Variants in IL1B observed in about 807,000 individuals in gnomAD.
IL1B encodes the protein interleukin-1 beta.
Under a neutral mutation model 26.2 loss-of-function variants are expected in IL1B, and 11 were observed. The observed-to-expected ratio is 0.42, with a 90% CI of 0.26 to 0.70. IL1B has a LOEUF of 0.70. IL1B is among the 30% of genes least tolerant of loss of function. IL1B has a pLI of 0.25. For synonymous variants in IL1B, 118 were observed against 120.8 expected, an observed-to-expected ratio of 0.98 and a Z score of 0.15; for missense variants, 255 against 327.5, an observed-to-expected ratio of 0.78 and a Z score of 1.71.
intron 6 of IL1B, 142 bp from the exon 7 acceptor site, chr2:112,830,715 C>T: frequency 1.5e-6 from 1 of 656,848 alleles, no homozygotes; most frequent in South Asian, 1.8e-5. Flanking sequence ...TAACTGGGCC[C>T]CCAACTTTCC....
chr2:112,834,690 G>T (rs1167536365), intron 3 of IL1B, among the ~76,000 whole-genome samples: 1 of 152,226 alleles, frequency 6.6e-6, no homozygotes, highest in Non-Finnish European at 1.5e-5. Flanking sequence ...AACTTCTAAA[G>T]AAATATGTTT....
intron 3 of IL1B, among the ~76,000 whole-genome samples, chr2:112,834,259 C>T (rs1005251977): frequency 2.6e-5 from 4 of 152,250 alleles, no homozygotes; most frequent in Admixed American, 6.5e-5. Context: ...ATCCCTAATG[C>T]TGTCACACTA....
intron 3 of IL1B, among the ~76,000 whole-genome samples, chr2:112,834,532 G>C (rs982448244): frequency 2.0e-5 from 3 of 152,202 alleles, no homozygotes; most frequent in Non-Finnish European, 2.9e-5. Flanking sequence ...AAAGAGACCT[G>C]TAAGTGCACA....
intron 3 of IL1B, 36 bp downstream of exon 3, chr2:112,835,530 C>T (rs1488425644): frequency 6.4e-7 from 1 of 1,556,678 alleles, no homozygotes; most frequent in Middle Eastern, 1.7e-4. Context: ...GTGTTAGAGC[C>T]CTTCCTTGGG....
chr2:112,831,024 A>G (rs1288076809), intron 6 of IL1B: 1 of 458,278 alleles, frequency 2.2e-6, no homozygotes, highest in South Asian at 2.1e-5. Context: ...TGTCTATCAA[A>G]TGAGAGCAGC....
At chr2:112,833,704 CCT>C (rs1269699610) in intron 3 of IL1B, 129 bp from the exon 4 acceptor site, 1 of 872,040 alleles carries the variant, frequency 1.1e-6, no homozygotes, top group Non-Finnish European at 1.8e-6. Flanking sequence ...AAAGATCATC[CCT>C]CTCTGGGCCA....
At chr2:112,835,092 T>G in intron 3 of IL1B, 1 of 189,108 alleles carries the variant, frequency 5.3e-6, no homozygotes, top group South Asian at 1.0e-4. Flanking sequence ...CTTTCAAGTC[T>G]CAATTCATCT....
At position 112,831,328 on chromosome 2, in the gene IL1B, G is replaced by A. The variant is rs912767204; in HGVS notation, c.561C>T (p.Cys187=). The change falls in exon 6 of 7, where the codon TGC becomes TGT. Residue 187 remains cysteine, a synonymous_variant. Coordinates refer to ENST00000263341, the MANE Select transcript of IL1B (RefSeq NM_000576.3). The part of the protein sequence containing the change: ...GLKEKNLYLS[C]VLKDDKPTLQ... ...GAGTGGGCTTATCATCTTTCAACAC[G>A]CAGGACAGGTACAGATTCTTTTCCT... The A allele has an allele frequency of 8.7e-6, 14 of 1,613,798 alleles. No individual in the cohort carries two copies. In the South Asian group the frequency reaches 8.8e-5, roughly 10 times the overall value.
chr2:112,834,420 T>C (rs1682048233), intron 3 of IL1B, among the ~76,000 whole-genome samples: 1 of 152,278 alleles, frequency 6.6e-6, no homozygotes, highest in Admixed American at 6.5e-5. Flanking sequence ...GTACTTTTTG[T>C]GAAATGTTAC....
intron 5 of IL1B, 60 bp downstream of exon 5, chr2:112,832,602 C>T (rs1682007505): frequency 2.6e-6 from 4 of 1,519,466 alleles, no homozygotes; most frequent in Admixed American, 3.3e-5. Context: ...TTGTTTAAAA[C>T]ATGGAGAATT....
chr2:112,830,151 G>A lies in IL1B; in HGVS notation c.*210C>T. ...AGAGGCCTGGCTCAACAAAAGGGCT[G>A]GGGATTGGCCCTGAAAGGAGAGAGC... On this transcript the variant is annotated 3_prime_UTR_variant, in exon 7 of 7. Transcript: ENST00000263341. 1 of 573,944 alleles carries A rather than the reference G, an allele frequency of 1.7e-6. No individual in the cohort carries two copies. The highest frequency in any genetic ancestry group is 2.1e-5 in the South Asian group (1 of 48,668). 35.6% of individuals were successfully genotyped at this position (573,944 alleles called of 1,614,324 possible). A position where few individuals can be genotyped will look rare whatever the true frequency, so the allele number is the denominator to read the frequency against.
intron 4 of IL1B, 94 bp from the exon 5 acceptor site, chr2:112,832,920 G>A (rs1682017209): frequency 6.7e-6 from 8 of 1,190,618 alleles, no homozygotes; most frequent in Non-Finnish European, 1.0e-5. Context: ...GAGGACACCT[G>A]AGCATATACG....
intron 5 of IL1B, 146 bp downstream of exon 5, chr2:112,832,516 G>T: frequency 1.2e-6 from 1 of 861,560 alleles, no homozygotes. Context: ...CCATTTCTAG[G>T]ACCAAAGTTT....
chr2:112,832,414 G>C (rs916523829), intron 5 of IL1B, among the ~76,000 whole-genome samples: 1 of 152,170 alleles, frequency 6.6e-6, no homozygotes, highest in Non-Finnish European at 1.5e-5. Flanking sequence ...CAAGAGACTT[G>C]GGTGGACATG....
At chr2:112,832,944 G>T in intron 4 of IL1B, 118 bp from the exon 5 acceptor site, 2 of 925,032 alleles carry the variant, frequency 2.2e-6, no homozygotes, top group Non-Finnish European at 1.7e-6. Context: ...AAAGTCTGAT[G>T]ACAACACCAG....
intron 3 of IL1B, among the ~76,000 whole-genome samples, chr2:112,834,095 A>C (rs1682043676): frequency 6.6e-6 from 1 of 152,254 alleles, no homozygotes; most frequent in Non-Finnish European, 1.5e-5. Context: ...TCAAGGGCAC[A>C]CAGCAGGTTA....
intron 6 of IL1B, 35 bp downstream of exon 6, chr2:112,831,257 G>A: frequency 2.5e-6 from 4 of 1,612,858 alleles, no homozygotes; most frequent in Non-Finnish European, 3.4e-6. Flanking sequence ...GTAGCAGGAG[G>A]CTGAGAAGGG....
At chr2:112,836,386 G>T (rs1312439528) in intron 1 of IL1B, 142 bp from the exon 2 acceptor site, 1 of 685,656 alleles carries the variant, frequency 1.5e-6, no homozygotes, top group African/African-American at 1.8e-5. Flanking sequence ...AAGTCCTTTG[G>T]GTCTAGAGAA....
chr2:112,834,433 C>CT (rs1236583634), intron 3 of IL1B, among the ~76,000 whole-genome samples: 1 of 152,238 alleles, frequency 6.6e-6, no homozygotes, highest in Non-Finnish European at 1.5e-5. Context: ...AATGTTACCA[C>CT]TTTCCTCTTA....
Sources: gnomAD v4.1 joint callset for allele counts (sites outside exome capture counted in the v4.1 genomes callset) on GRCh38, gnomAD v4.1.1 for gene constraint, MANE v1.5 for transcripts, NCBI Gene and HGNC (gene_info 2026-07-23, HGNC 2026-07-21) for gene names.